MMAA: variants seen among roughly 807,000 people sequenced by gnomAD.
MMAA encodes the protein metabolism of cobalamin associated A.
Under a neutral mutation model 45.0 loss-of-function variants are expected in MMAA, and 41 were observed. The ratio of observed to expected loss-of-function variants is 0.91; its 90% confidence interval spans 0.71 to 1.18. The LOEUF is 1.18. Among genes scored for constraint, MMAA ranks in the 50% most tolerant of loss-of-function variants. The pLI, the probability that MMAA is intolerant of heterozygous loss-of-function variation, is 0.00. For synonymous variants in MMAA, 154 were observed against 178.2 expected, an observed-to-expected ratio of 0.86 and a Z score of 1.08; for missense variants, 460 against 495.7, an observed-to-expected ratio of 0.93 and a Z score of 0.68.
At chr4:145,632,073 CT>C (rs1727458417) in intron 1 of MMAA, among the ~76,000 whole-genome samples, 1 of 152,132 alleles carries the variant, frequency 6.6e-6, no homozygotes, top group Non-Finnish European at 1.5e-5. Flanking sequence ...GTACAATATT[CT>C]TTTGCTTACT....
chr4:145,624,289 G>A, intron 1 of MMAA: 1 of 796,006 alleles, frequency 1.3e-6, no homozygotes, highest in South Asian at 1.3e-5. Context: ...CTGTAGAGGT[G>A]AATTAAGTAA....
chr4:145,632,694 T>C (rs1233086195), intron 1 of MMAA, among the ~76,000 whole-genome samples: 2 of 152,142 alleles, frequency 1.3e-5, no homozygotes, highest in African/African-American at 4.8e-5. Context: ...TCATTGTTTT[T>C]TATTCTTTTC....
rs2126617181 is a variant in MMAA, at chr4:145,639,289, T to C, written c.150T>C (p.His50=). The change falls in exon 2 of 7, where the codon CAT becomes CAC. Residue 50 remains histidine (H), a synonymous_variant. Coordinates refer to ENST00000649156, the MANE Select transcript of MMAA (RefSeq NM_172250.3). The part of the protein sequence containing the change: ...CAQPFNSLGL[H]CTKWMLLSDG... Reference sequence around the variant, plus strand: ...AGCCGTTTAATTCTCTTGGACTCCATTGTACAAAGTGGATGCTGCTGTCAG... The same window carrying C: ...AGCCGTTTAATTCTCTTGGACTCCACTGTACAAAGTGGATGCTGCTGTCAG... 6.2e-7 allele frequency: 1 copy of C among 1,614,192 alleles called. No individual in the cohort carries two copies. Among genetic ancestry groups the C allele is most frequent in the Middle Eastern group, 1.6e-4 (1 of 6,062 alleles).
At chr4:145,651,251 A>C in intron 5 of MMAA, 104 bp downstream of exon 5, 3 of 964,920 alleles carry the variant, frequency 3.1e-6, no homozygotes, top group Non-Finnish European at 3.2e-6. Context: ...ATGGTTTAGA[A>C]AATGAAATAT....
intron 1 of MMAA, among the ~76,000 whole-genome samples, chr4:145,638,363 C>T (rs957922114): frequency 3.5e-5 from 5 of 144,330 alleles, no homozygotes; most frequent in Non-Finnish European, 7.4e-5. Flanking sequence ...AGTGAGACTC[C>T]GTCTCAAAAA....
At chr4:145,626,399 A>G (rs1403185720) in intron 1 of MMAA, among the ~76,000 whole-genome samples, 1 of 152,188 alleles carries the variant, frequency 6.6e-6, no homozygotes, top group African/African-American at 2.4e-5. Flanking sequence ...ATATGTTATG[A>G]ACTTAGTTAT....
intron 1 of MMAA, among the ~76,000 whole-genome samples, chr4:145,621,975 T>TAATC (rs1400577383): frequency 7.9e-5 from 12 of 152,204 alleles, no homozygotes; most frequent in African/African-American, 2.7e-4. Flanking sequence ...ATTAACTGAG[T>TAATC]AATCAGTGTA....
At chr4:145,644,316 A>G (rs1727870510) in intron 3 of MMAA, among the ~76,000 whole-genome samples, 1 of 152,194 alleles carries the variant, frequency 6.6e-6, no homozygotes. Context: ...TACCTTAGAA[A>G]AAGGTTGTAT....
rs780216020 is a variant in MMAA, at chr4:145,659,784, G to A, written c.*4350G>A. 7 of 151,996 alleles carry A rather than the reference G, an allele frequency of 4.6e-5. No individual in the cohort carries two copies. Among genetic ancestry groups the A allele is most frequent in the East Asian group, 1.9e-4 (1 of 5,192 alleles). 9.4% of individuals were successfully genotyped at this position (151,996 alleles called of 1,614,324 possible). ...GAGTACTTAGCATATCTATCATCTC[G>A]TGCATTTATCATTTCTTTGTGGCGA... is the stretch of plus-strand genomic sequence containing the variant. On this transcript the variant is annotated 3_prime_UTR_variant, in exon 7 of 7. Transcript: ENST00000649156.
At chr4:145,639,821 C>G (rs1231666454) in intron 2 of MMAA, 1 of 984,484 alleles carries the variant, frequency 1.0e-6, no homozygotes, top group Non-Finnish European at 1.2e-6. Flanking sequence ...TGGCAAGAAT[C>G]TTGCTCTGGA....
chr4:145,622,069 CTG>C (rs1734099585), intron 1 of MMAA, among the ~76,000 whole-genome samples: 1 of 152,164 alleles, frequency 6.6e-6, no homozygotes, highest in Admixed American at 6.5e-5. Flanking sequence ...ACAAAGATAA[CTG>C]ATATGGTTTG....
Position 145,650,825 on chromosome 4 carries a change from G to A in MMAA, c.734-237G>A. 3 of 544,474 alleles carry A rather than the reference G, an allele frequency of 5.5e-6. No homozygotes were observed. In the South Asian group the frequency reaches 6.5e-5, roughly 12 times the overall value. 33.7% of individuals were successfully genotyped at this position (544,474 alleles called of 1,614,324 possible). A position where few individuals can be genotyped will look rare whatever the true frequency, so the allele number is the denominator to read the frequency against. The stretch of plus-strand genomic sequence containing the variant: ...AGTGAGGAGAGGATGGAAGCCTTTA[G>A]GTTCTCCATTCAATCCAAGAACGGA... On this transcript the variant is annotated intron_variant, in intron 4 of 6. Transcript: ENST00000649156.
intron 3 of MMAA, chr4:145,642,708 A>AACTGCGACAT: frequency 3.6e-6 from 2 of 548,830 alleles, no homozygotes; most frequent in Non-Finnish European, 3.3e-6. Flanking sequence ...GCACTCAGAA[A>AACTGCGACAT]ACTGCGACAA....
chr4:145,639,385 G>A lies in MMAA; in HGVS notation c.246G>A (p.Glu82=), dbSNP rs750230122. 1 of 1,614,138 alleles carries A rather than the reference G, an allele frequency of 6.2e-7. No homozygotes were observed. Among genetic ancestry groups the A allele is most frequent in the East Asian group, 2.2e-5 (1 of 44,884 alleles). The part of the protein sequence containing the change: ...KDHTEGLSDK[E]QRFVDKLYTG... ...ACACAGAAGGACTTTCTGATAAAGA[G>A]CAAAGATTTGTGGATAAACTTTATA... The change falls in exon 2 of 7, where the codon GAG becomes GAA. Residue 82 remains glutamate (E), a synonymous_variant. Transcript: ENST00000649156.
intron 1 of MMAA, among the ~76,000 whole-genome samples, chr4:145,621,204 G>T (rs917748474): frequency 6.6e-6 from 1 of 152,190 alleles, no homozygotes; most frequent in African/African-American, 2.4e-5. Context: ...TGTAAGTGAA[G>T]GAACTTTGAG....
At chr4:145,628,422 T>C (rs1158067758) in intron 1 of MMAA, among the ~76,000 whole-genome samples, 2 of 152,178 alleles carry the variant, frequency 1.3e-5, no homozygotes, top group Admixed American at 6.5e-5. Context: ...TAGAAGAGAA[T>C]CAGTTTCCTT....
chr4:145,654,565 A>G (rs1432066884), intron 6 of MMAA, among the ~76,000 whole-genome samples: 2 of 152,242 alleles, frequency 1.3e-5, no homozygotes, highest in Admixed American at 6.5e-5. Context: ...GGTCATCTTT[A>G]TCTGTAGACA....
intron 3 of MMAA, among the ~76,000 whole-genome samples, chr4:145,643,475 C>G (rs1050922479): frequency 6.6e-6 from 1 of 152,114 alleles, no homozygotes; most frequent in East Asian, 1.9e-4. Flanking sequence ...GGGTTTAATA[C>G]TAAGTATTCA....
rs558860546 is a variant in MMAA at position 145,651,272 on chromosome 4, G to A, written c.819+125G>A. 13 of 823,628 alleles carry A rather than the reference G, an allele frequency of 1.6e-5. No homozygotes were observed. In the African/African-American group the frequency reaches 2.0e-4, roughly 13 times the overall value. 51.0% of individuals were successfully genotyped at this position (823,628 alleles called of 1,614,324 possible). A position where few individuals can be genotyped will look rare whatever the true frequency, so the allele number is the denominator to read the frequency against. ...TAGAAAATGAAATATCATTCATGTT[G>A]GCTAAAATACCTGAATCAAAGGCAG... On this transcript the variant is annotated intron_variant, in intron 5 of 6. Transcript: ENST00000649156.
Sources: gnomAD v4.1 joint callset for allele counts (sites outside exome capture counted in the v4.1 genomes callset) on GRCh38, gnomAD v4.1.1 for gene constraint, MANE v1.5 for transcripts, NCBI Gene and HGNC (gene_info 2026-07-23, HGNC 2026-07-21) for gene names.